PHLPP2: variants seen among roughly 807,000 people sequenced by gnomAD.
PHLPP2 encodes PH domain leucine-rich repeat-containing protein phosphatase 2.
A neutral mutation model predicts 124.9 loss-of-function variants in PHLPP2; 66 were observed. The ratio of observed to expected loss-of-function variants is 0.53; its 90% CI spans 0.43 to 0.65. The LOEUF is 0.65. Ranked by LOEUF, PHLPP2 falls within the 30% of genes least tolerant of loss-of-function variation. The pLI, the probability that PHLPP2 is intolerant of heterozygous loss-of-function variation, is 0.00. For missense variants in PHLPP2, 1,685 were observed against 1,600.4 expected (o/e 1.05, Z -0.90); for synonymous variants, 681 against 624.7 (o/e 1.09, Z -1.34).
intron 3 of PHLPP2, among the ~76,000 whole-genome samples, chr16:71,696,644 T>C (rs1357844917): frequency 1.4e-5 from 2 of 144,488 alleles, no homozygotes; most frequent in Non-Finnish European, 3.0e-5. Flanking sequence ...TGAGACTCCA[T>C]CTCAAAAAAA....
At chr16:71,666,723 C>T (rs1314813044) in intron 12 of PHLPP2, among the ~76,000 whole-genome samples, 1 of 152,090 alleles carries the variant, frequency 6.6e-6, no homozygotes, top group Non-Finnish European at 1.5e-5. Context: ...AAAAAGTACA[C>T]AAAAAGGTTT....
At chr16:71,720,740 T>C (rs188886220) in intron 1 of PHLPP2, among the ~76,000 whole-genome samples, 1 of 152,136 alleles carries the variant, frequency 6.6e-6, no homozygotes, top group East Asian at 1.9e-4. Flanking sequence ...GGCACATGCC[T>C]GTAATCCCAG....
intron 2 of PHLPP2, among the ~76,000 whole-genome samples, chr16:71,705,952 T>C (rs934612424): frequency 3.3e-5 from 5 of 152,232 alleles, no homozygotes; most frequent in African/African-American, 9.6e-5. Context: ...GTAGACAGTA[T>C]TGGGGAGGGA....
intron 13 of PHLPP2, among the ~76,000 whole-genome samples, chr16:71,660,359 C>G (rs1322017213): frequency 3.3e-5 from 3 of 91,880 alleles, no homozygotes; most frequent in African/African-American, 1.3e-4. Flanking sequence ...CTGGGTGACA[C>G]AAGACCTTGT....
chr16:71,662,882 T>G (rs1024403924), intron 13 of PHLPP2, among the ~76,000 whole-genome samples: 5 of 151,922 alleles, frequency 3.3e-5, no homozygotes, highest in Admixed American at 6.6e-5. Context: ...TAAAGTTGTT[T>G]TTTTTTTAAC....
chr16:71,652,885 C>A lies in PHLPP2; in HGVS notation c.2722G>T (p.Gly908Cys), dbSNP rs766252885. 6.2e-7 allele frequency: 1 copy of A among 1,614,168 alleles called. No homozygotes were observed. Among genetic ancestry groups the A allele is most frequent in the Non-Finnish European group, 8.5e-7 (1 of 1,180,034 alleles). ...TTAGAGAGGGGCACTGGCTTCCCAC[C>A]TCGGCACAGGACTGCTTGGCACGTG... ...VGTCQAVLCRGGKPVPLSKVF... is the reference protein window; with the variant it reads ...VGTCQAVLCRCGKPVPLSKVF... Residue 908 changes from glycine (G) to cysteine (C), a missense_variant, in exon 18 of 19, where the codon GGT becomes TGT. Physicochemically the swap from Gly to Cys is radical, Grantham distance 159 (BLOSUM62 -3). Coordinates refer to ENST00000568954, the MANE Select transcript of PHLPP2 (RefSeq NM_015020.3).
At chr16:71,679,728 G>A (rs900207840) in intron 6 of PHLPP2, among the ~76,000 whole-genome samples, 193 bp from the exon 7 acceptor site, 1 of 152,126 alleles carries the variant, frequency 6.6e-6, no homozygotes, top group Non-Finnish European at 1.5e-5. Flanking sequence ...CTAATTCACA[G>A]TCCATGTGAT....
At chr16:71,684,914 C>T (rs1189926687) in intron 4 of PHLPP2, among the ~76,000 whole-genome samples, 1 of 152,142 alleles carries the variant, frequency 6.6e-6, no homozygotes, top group Non-Finnish European at 1.5e-5. Flanking sequence ...GCACGGAACT[C>T]TTAACAAGTC....
intron 1 of PHLPP2, chr16:71,723,776 A>G: frequency 7.5e-7 from 1 of 1,331,566 alleles, no homozygotes; most frequent in South Asian, 1.6e-5. Flanking sequence ...CACCTTCAGG[A>G]CCCGGATCCC....
chr16:71,696,319 T>C (rs1207117977), intron 3 of PHLPP2, among the ~76,000 whole-genome samples: 1 of 152,156 alleles, frequency 6.6e-6, no homozygotes, highest in Non-Finnish European at 1.5e-5. Context: ...CACCTATTTG[T>C]GCAACTTGGG....
chr16:71,685,054 G>A (rs542361334), intron 4 of PHLPP2, among the ~76,000 whole-genome samples: 3 of 152,320 alleles, frequency 2.0e-5, no homozygotes, highest in East Asian at 1.9e-4. Context: ...TCGGCCAGGC[G>A]TGGTGGCTCA....
At position 71,702,610 on chromosome 16, in the gene PHLPP2, G is replaced by A. The variant is rs868181195; in HGVS notation, c.406C>T (p.Arg136Ter). 2 of 1,609,502 alleles carry A rather than the reference G, an allele frequency of 1.2e-6. No homozygotes were observed. Among genetic ancestry groups the A allele is most frequent in the Non-Finnish European group, 1.7e-6 (2 of 1,178,344 alleles). Reference sequence around the variant, plus strand: ...GATAAATTCTTACCACCATAAAATCGAATCATACAGCCGAGGTCAGGATTT... The same window carrying A: ...GATAAATTCTTACCACCATAAAATCAAATCATACAGCCGAGGTCAGGATTT... ...ATNPDLGCMI[R>*]FYGEKPCHMD... Residue 136 changes from arginine to a stop codon, truncating the protein, a stop_gained, in exon 3 of 19, where the codon CGA becomes TGA. Transcript: ENST00000568954. LOFTEE classifies it high-confidence loss of function.
Position 71,670,721 on chromosome 16 carries a change from C to CACACACACACACACACA in PHLPP2, c.1533-1352_1533-1351insTGTGTGTGTGTGTGTGT, listed in dbSNP as rs1555545714. Among the ~76,000 whole-genome samples the CACACACACACACACACA allele has an allele frequency of 2.0e-5, 3 of 151,064 alleles. No individual in the cohort carries two copies. In the South Asian group the frequency reaches 6.3e-4, roughly 32 times the overall value. ...ACACACACACACACACACACACACA[C>CACACACACACACACACA]GAGAGGAGGGGAAGAGGAGGGGGAG... On this transcript the variant is annotated intron_variant, in intron 10 of 18. Transcript: ENST00000568954.
intron 3 of PHLPP2, among the ~76,000 whole-genome samples, chr16:71,691,945 A>G (rs2045117631): frequency 6.6e-6 from 1 of 152,142 alleles, no homozygotes; most frequent in Non-Finnish European, 1.5e-5. Flanking sequence ...AACAAAAAAA[A>G]ACAAAACAAC....
chr16:71,704,912 G>A (rs150130203), intron 2 of PHLPP2, among the ~76,000 whole-genome samples: 2 of 152,238 alleles, frequency 1.3e-5, no homozygotes, highest in Non-Finnish European at 2.9e-5. Flanking sequence ...ACTGATGGAG[G>A]ATTAACTTCA....
rs1391558108 is a variant in PHLPP2 at position 71,679,417 on chromosome 16, G to C, written c.1009C>G (p.Leu337Val). The change falls in exon 7 of 19, where the codon CTA becomes GTA. Residue 337 changes from leucine (L) to valine (V), a missense_variant. By Grantham distance (32) the Leu-to-Val change is conservative. Transcript: ENST00000568954. ...AGCAGATTGCCAATTTGACTTGGTAGGTCATGAAATCCATTACAGGAAAGG... is the reference window on the plus strand; with the variant it reads ...AGCAGATTGCCAATTTGACTTGGTACGTCATGAAATCCATTACAGGAAAGG... Reference protein sequence around the residue: ...LNLSCNGFHDLPSQIGNLLNL... With the variant: ...LNLSCNGFHDVPSQIGNLLNL... 4.3e-6 allele frequency: 7 copies of C among 1,613,780 alleles called. No homozygotes were observed. Among genetic ancestry groups the C allele is most frequent in the South Asian group, 1.1e-5 (1 of 91,068 alleles).
intron 6 of PHLPP2, among the ~76,000 whole-genome samples, chr16:71,680,681 G>C (rs771670495): frequency 6.6e-6 from 1 of 152,164 alleles, no homozygotes; most frequent in East Asian, 1.9e-4. Context: ...CCTACTTTTA[G>C]ATTTGAATCC....
rs201911559 is a variant in PHLPP2, at chr16:71,678,962, C to T, written c.1061G>A (p.Gly354Asp). 1.2e-4 allele frequency: 197 copies of T among 1,607,636 alleles called. 1 individual carries two copies. The highest frequency in any genetic ancestry group is 1.7e-5 in the Admixed American group (1 of 59,996). Residue 354 changes from glycine to aspartate, a missense_variant, in exon 8 of 19, where the codon GGC becomes GAC. Coordinates refer to ENST00000568954, the MANE Select transcript of PHLPP2 (RefSeq NM_015020.3). ...TTCAGGTAAAGTAGTCAGAAAGTTG[C>T]CATCAAGACAGAGGGTTTGAAGACT... ...LLNLQTLCLD[G>D]NFLTTLPEEL...
chr16:71,709,170 T>G (rs2045306829), intron 2 of PHLPP2, among the ~76,000 whole-genome samples: 1 of 152,090 alleles, frequency 6.6e-6, no homozygotes, highest in South Asian at 2.1e-4. Flanking sequence ...CACAAAAACA[T>G]GTAGGAAAAA....
Sources: gnomAD v4.1 joint callset for allele counts (sites outside exome capture counted in the v4.1 genomes callset) on GRCh38, gnomAD v4.1.1 for gene constraint, MANE v1.5 for transcripts, NCBI Gene and HGNC (gene_info 2026-07-23, HGNC 2026-07-21) for gene names.